NHSL1: variants seen among roughly 807,000 people sequenced by gnomAD.
NHSL1 encodes NHS-like protein 1.
Under a neutral mutation model 95.0 loss-of-function variants are expected in NHSL1, and 48 were observed. The observed-to-expected ratio is 0.51, with a 90% CI of 0.40 to 0.64. The LOEUF is 0.64. Among genes scored for constraint, NHSL1 ranks in the 30% least tolerant of loss-of-function variants. The pLI is 0.00. For synonymous variants in NHSL1, 783 were observed against 833.9 expected (o/e 0.94, Z 1.05); for missense variants, 1,971 against 2,077.7 (o/e 0.95, Z 1.00).
intron 1 of NHSL1, among the ~76,000 whole-genome samples, chr6:138,541,336 C>G (rs1190435575): frequency 2.0e-5 from 3 of 152,138 alleles, no homozygotes; most frequent in South Asian, 4.2e-4. Flanking sequence ...TACTGCACTC[C>G]AGCCTGGGCA....
rs2128185980 is a variant in NHSL1 at position 138,423,742 on chromosome 6, T to C, written c.*339A>G. On this transcript the variant is annotated 3_prime_UTR_variant, in exon 8 of 8. Coordinates refer to ENST00000343505, the MANE Select transcript of NHSL1 (RefSeq NM_001144060.2). ...TTGCTTTCTTCTATTTCTGTACATG[T>C]TGTTTGTGTATATGTGTATTTTTTA... 1 of 204,250 alleles carries C rather than the reference T, an allele frequency of 4.9e-6. No individual in the cohort carries two copies. 12.7% of individuals were successfully genotyped at this position (204,250 alleles called of 1,614,324 possible).
intron 1 of NHSL1, among the ~76,000 whole-genome samples, chr6:138,554,070 G>A (rs1179344215): frequency 6.6e-6 from 1 of 152,152 alleles, no homozygotes; most frequent in Non-Finnish European, 1.5e-5. Flanking sequence ...CCCTTTCTTA[G>A]TAAACTTATA....
At chr6:138,519,616 A>T (rs1781592895) in intron 1 of NHSL1, among the ~76,000 whole-genome samples, 1 of 152,190 alleles carries the variant, frequency 6.6e-6, no homozygotes, top group South Asian at 2.1e-4. Context: ...GGAGTGGGAA[A>T]ATCTTGTGAA....
rs79394175 is a variant in NHSL1 at position 138,429,778 on chromosome 6, C to T, written c.4018G>A (p.Gly1340Arg). 97 of 1,551,830 alleles carry T rather than the reference C, an allele frequency of 6.3e-5. No individual in the cohort carries two copies. The East Asian group carries it at 1.9e-3, about 30-fold the overall frequency. Residue 1340 changes from glycine (G) to arginine (R), a missense_variant, in exon 7 of 8, where the codon GGG becomes AGG. Gly to Arg is a moderately radical substitution (Grantham distance 125). Around this residue, in one of 3 missense-constraint regions of NHSL1, gnomAD observed 146 missense variants for 206.3 expected, o/e 0.71. Transcript: ENST00000343505. ...SEACDFLKEDGNDEVMTPSRP... is the reference protein window; with the variant it reads ...SEACDFLKEDRNDEVMTPSRP... ...CTGGGGGTCATTACCTCATCATTCC[C>T]GTCTTCCTTGAGGAAGTCACAGGCC...
chr6:138,526,275 G>A (rs1265553694), intron 1 of NHSL1, among the ~76,000 whole-genome samples: 1 of 152,090 alleles, frequency 6.6e-6, no homozygotes, highest in African/African-American at 2.4e-5. Context: ...TTGAGCTTAG[G>A]AGTTCGGAGC....
intron 1 of NHSL1, among the ~76,000 whole-genome samples, chr6:138,663,482 C>T (rs1785254415): frequency 6.6e-6 from 1 of 150,834 alleles, no homozygotes; most frequent in Admixed American, 6.6e-5. Flanking sequence ...ATCACTCGAA[C>T]CCGGGGGGCA....
intron 1 of NHSL1, among the ~76,000 whole-genome samples, chr6:138,513,013 T>A (rs1414578848): frequency 6.6e-6 from 1 of 152,218 alleles, no homozygotes; most frequent in Non-Finnish European, 1.5e-5. Context: ...ACTAACATGT[T>A]CATTTAAAAT....
chr6:138,438,844 G>C (rs1265148896), intron 5 of NHSL1, among the ~76,000 whole-genome samples: 4 of 151,980 alleles, frequency 2.6e-5, no homozygotes, highest in African/African-American at 9.7e-5. Context: ...TTTCTGCTTA[G>C]AGAATATGTA....
At chr6:138,522,209 T>C (rs1269228705) in intron 1 of NHSL1, among the ~76,000 whole-genome samples, 1 of 151,804 alleles carries the variant, frequency 6.6e-6, no homozygotes, top group Non-Finnish European at 1.5e-5. Context: ...GCTCTGAAGA[T>C]AAATAGAAAA....
intron 1 of NHSL1, among the ~76,000 whole-genome samples, chr6:138,533,166 G>T (rs1782204809): frequency 6.6e-6 from 1 of 152,124 alleles, no homozygotes; most frequent in Non-Finnish European, 1.5e-5. Flanking sequence ...GCAATACAAA[G>T]AAATAGATAC....
At chr6:138,544,795 A>G (rs182892300) in intron 1 of NHSL1, among the ~76,000 whole-genome samples, 11 of 152,300 alleles carry the variant, frequency 7.2e-5, no homozygotes, top group African/African-American at 2.6e-4. Context: ...ACATGCCTAC[A>G]TTAATTACAT....
intron 1 of NHSL1, among the ~76,000 whole-genome samples, chr6:138,590,179 G>A (rs1257872572): frequency 6.6e-6 from 1 of 152,062 alleles, no homozygotes; most frequent in Admixed American, 6.5e-5. Context: ...TGTATTTTTA[G>A]TAGAGACAGG....
chr6:138,587,723 C>T (rs1473555915), intron 1 of NHSL1, among the ~76,000 whole-genome samples: 1 of 152,164 alleles, frequency 6.6e-6, no homozygotes, highest in African/African-American at 2.4e-5. Flanking sequence ...TGTTTAAATG[C>T]ACATCAGATG....
intron 1 of NHSL1, among the ~76,000 whole-genome samples, chr6:138,511,887 AAT>A (rs1781248579): frequency 1.3e-5 from 2 of 152,158 alleles, no homozygotes; most frequent in African/African-American, 4.8e-5. Context: ...CAGCCTGGGC[AAT>A]AGAGCGAGAT....
chr6:138,641,948 A>G (rs908090464), intron 1 of NHSL1, among the ~76,000 whole-genome samples: 9 of 152,204 alleles, frequency 5.9e-5, no homozygotes, highest in African/African-American at 1.9e-4. Flanking sequence ...GTTCTCTAAC[A>G]TATCATTTCA....
intron 3 of NHSL1, among the ~76,000 whole-genome samples, chr6:138,455,517 T>TGCAAGAAGCCCCGCCTTCACATGCTCCCC (rs1777543473): frequency 4.4e-5 from 4 of 90,414 alleles, no homozygotes; most frequent in Admixed American, 4.4e-4. Flanking sequence ...ACATGCTCCC[T>TGCAAGAAGCCCCGCCTTCACATGCTCCCC]GCAAGGAGCC....
At chr6:138,451,088 T>C (rs563636096) in intron 3 of NHSL1, among the ~76,000 whole-genome samples, 2 of 152,102 alleles carry the variant, frequency 1.3e-5, no homozygotes, top group Non-Finnish European at 2.9e-5. Context: ...GTTCAAACCC[T>C]CCAAAGTCCT....
At chr6:138,458,184 G>C (rs1429013149) in intron 3 of NHSL1, among the ~76,000 whole-genome samples, 3 of 152,092 alleles carry the variant, frequency 2.0e-5, no homozygotes, top group Non-Finnish European at 4.4e-5. Context: ...ATCCCATGAA[G>C]ATTTAGGTCT....
chr6:138,427,675 C>T (rs1249661030), intron 7 of NHSL1, among the ~76,000 whole-genome samples: 2 of 152,158 alleles, frequency 1.3e-5, no homozygotes, highest in African/African-American at 4.8e-5. Context: ...AAACTTCACA[C>T]CTCAACTGGT....
Sources: allele counts gnomAD v4.1 joint callset (sites outside exome capture counted in the v4.1 genomes callset), GRCh38; gene constraint gnomAD v4.1.1; regional missense constraint gnomAD v4.1.1; transcripts MANE v1.5; gene names NCBI Gene and HGNC (gene_info 2026-07-23, HGNC 2026-07-21).